Variants in BOD1L1 observed in about 807,000 individuals in gnomAD.
BOD1L1 encodes biorientation of chromosomes in cell division protein 1-like 1.
In BOD1L1, 86 loss-of-function variants were observed where a neutral mutation model predicts 240.7. The ratio of observed to expected loss-of-function variants is 0.36; its 90% CI spans 0.30 to 0.43. The LOEUF (loss-of-function observed/expected upper bound fraction) is 0.43. Among genes scored for constraint, BOD1L1 ranks in the 20% least tolerant of loss-of-function variants. The pLI is 1.00. For synonymous variants in BOD1L1, 1,268 were observed against 1,272.3 expected (o/e 1.00, Z 0.07); for missense variants, 3,554 against 3,643.5 (o/e 0.98, Z 0.63).
intron 25 of BOD1L1, among the ~76,000 whole-genome samples, chr4:13,573,891 G>C (rs1459310896): frequency 6.6e-6 from 1 of 151,900 alleles, no homozygotes; most frequent in Non-Finnish European, 1.5e-5. Context: ...TGCTTAGGCT[G>C]GTCTCGAACT....
chr4:13,591,935 A>G lies in BOD1L1; in HGVS notation c.8136T>C (p.Asn2712=). The part of the protein sequence containing the change: ...AELQREPLLV[N]ESLNVENSGF... ...TACAGTGACTTACATTTAGTGATTC[A>G]TTCACCAACAAAGGCTCCCTCTGGA... is the stretch of plus-strand genomic sequence containing the variant. The change falls in exon 13 of 26, where the codon AAT becomes AAC. Residue 2712 remains asparagine (N), a synonymous_variant. Coordinates refer to ENST00000040738, the MANE Select transcript of BOD1L1 (RefSeq NM_148894.3). 2 of 1,564,788 alleles carry G rather than the reference A, an allele frequency of 1.3e-6. No homozygotes were observed. The highest frequency in any genetic ancestry group is 2.3e-5 in the East Asian group (1 of 43,270).
At chr4:13,576,321 A>G (rs1208320423) in intron 25 of BOD1L1, among the ~76,000 whole-genome samples, 1 of 152,156 alleles carries the variant, frequency 6.6e-6, no homozygotes, top group African/African-American at 2.4e-5. Flanking sequence ...TTCTGGCTAC[A>G]ATAGGGTTTG....
chr4:13,573,442 G>A (rs7691522), intron 25 of BOD1L1, among the ~76,000 whole-genome samples: 3,863 of 120,856 alleles, frequency 0.032, 100 homozygotes, highest in Middle Eastern at 0.057. Context: ...CTGTCTGTCT[G>A]TCTATCTATC....
At chr4:13,609,919 CA>C (rs932416534) in intron 6 of BOD1L1, among the ~76,000 whole-genome samples, 1 of 152,168 alleles carries the variant, frequency 6.6e-6, no homozygotes, top group Non-Finnish European at 1.5e-5. Flanking sequence ...TCTTTTACAG[CA>C]GAAAGAATTC....
intron 15 of BOD1L1, 124 bp downstream of exon 15, chr4:13,588,592 GTGGAAC>G: frequency 1.4e-6 from 1 of 701,214 alleles, no homozygotes; most frequent in Non-Finnish European, 2.3e-6. Context: ...AAAGTGACAT[GTGGAAC>G]TCTCAGTATA....
chr4:13,570,147 A>G lies in BOD1L1; in HGVS notation c.9039-19T>C, dbSNP rs1017142186. The G allele has an allele frequency of 2.0e-6, 3 of 1,519,120 alleles. No individual in the cohort carries two copies. Among genetic ancestry groups the G allele is most frequent in the Non-Finnish European group, 2.6e-6 (3 of 1,132,756 alleles). 94.1% of individuals were successfully genotyped at this position (1,519,120 alleles called of 1,614,324 possible). ...CTTTGATCTGCATTAAGCAAAGTCA[A>G]GGCAATGGTGAGGTTTAAAAGCAGC... is the stretch of plus-strand genomic sequence containing the variant. On this transcript the variant is annotated intron_variant, in intron 25 of 25. Coordinates refer to ENST00000040738, the MANE Select transcript of BOD1L1 (RefSeq NM_148894.3).
chr4:13,582,350 T>C (rs772031641), intron 18 of BOD1L1, 40 bp from the exon 19 acceptor site: 49 of 1,536,034 alleles, frequency 3.2e-5, no homozygotes, highest in Admixed American at 3.4e-5. Context: ...CTAGTGACCA[T>C]GGTCAGCCTT....
In BOD1L1 at chr4:13,614,416, T is replaced by TG; in HGVS notation, c.953dup (p.Thr319AsnfsTer5). ...CTGGCTTCTTTTCACCTTTGTCTGT[T>TG]GATTTATTTTTTTGCTCACTGCTTT... is the stretch of plus-strand genomic sequence containing the variant. On this transcript the variant is annotated frameshift_variant, in exon 4 of 26. Coordinates refer to ENST00000040738, the MANE Select transcript of BOD1L1 (RefSeq NM_148894.3). LOFTEE classifies it high-confidence loss of function. 6.3e-7 allele frequency: 1 copy of TG among 1,593,126 alleles called. No individual in the cohort carries two copies. Among genetic ancestry groups the TG allele is most frequent in the Non-Finnish European group, 8.6e-7 (1 of 1,167,858 alleles).
In BOD1L1 at chr4:13,607,185, C is replaced by A; in HGVS notation, c.1747G>T (p.Val583Phe). ...SKKRKKDSRN[V>F]EENSKKKQQY... ...TGTTTCTTTTTGGAGTTCTCTTCAACATTCCTAAGGGGGAAAGAGTCAAAT... is the reference window on the plus strand; with the variant it reads ...TGTTTCTTTTTGGAGTTCTCTTCAAAATTCCTAAGGGGGAAAGAGTCAAAT... The change falls in exon 9 of 26, where the codon GTT becomes TTT. Residue 583 changes from valine to phenylalanine, a missense_variant. Physicochemically the swap from Val to Phe is conservative, Grantham distance 50. This residue lies in a region of BOD1L1 where 3,393 missense variants were observed against 3,427.1 expected (regional missense o/e 0.99). Transcript: ENST00000040738. The A allele has an allele frequency of 6.4e-7, 1 of 1,567,466 alleles. No homozygotes were observed. The highest frequency in any genetic ancestry group is 8.6e-7 in the Non-Finnish European group (1 of 1,156,716).
intron 1 of BOD1L1, chr4:13,624,810 T>C (rs1416555439): frequency 6.6e-6 from 1 of 152,202 alleles, no homozygotes; most frequent in Non-Finnish European, 1.5e-5. Context: ...TCTTCATTCT[T>C]AAATATGCAC....
At chr4:13,571,602 C>T (rs527747648) in intron 25 of BOD1L1, among the ~76,000 whole-genome samples, 110 of 152,332 alleles carry the variant, frequency 7.2e-4, no homozygotes, top group Admixed American at 1.4e-3. Context: ...GCCATGTGAG[C>T]TTCGTAGTTT....
At chr4:13,573,339 A>G (rs1221343880) in intron 25 of BOD1L1, among the ~76,000 whole-genome samples, 1 of 152,188 alleles carries the variant, frequency 6.6e-6, no homozygotes, top group Admixed American at 6.5e-5. Context: ...ACTGAAGAAC[A>G]ATATCCAGAA....
At position 13,582,743 on chromosome 4, in the gene BOD1L1, A is replaced by T. The variant is rs1175884113; in HGVS notation, c.8434-7T>A. ...AATCTCTGGAGTTCTCTTCCTATAGAGAAGTTGAAAAAGACTAGAACCTTC... is the reference window on the plus strand; with the variant it reads ...AATCTCTGGAGTTCTCTTCCTATAGTGAAGTTGAAAAAGACTAGAACCTTC... On this transcript the variant is annotated splice_region_variant and splice_polypyrimidine_tract_variant and intron_variant, in intron 17 of 25. Coordinates refer to ENST00000040738, the MANE Select transcript of BOD1L1 (RefSeq NM_148894.3). The T allele has an allele frequency of 1.3e-6, 2 of 1,592,750 alleles. No homozygotes were observed. Among genetic ancestry groups the T allele is most frequent in the African/African-American group, 2.7e-5 (2 of 74,394 alleles).
At chr4:13,618,245 GA>G (rs978721693) in intron 2 of BOD1L1, among the ~76,000 whole-genome samples, 8 of 151,784 alleles carry the variant, frequency 5.3e-5, no homozygotes, top group Non-Finnish European at 1.2e-4. Flanking sequence ...AATATATGAA[GA>G]AAAAAAATGC....
At chr4:13,585,721 A>T (rs1384065130) in intron 17 of BOD1L1, among the ~76,000 whole-genome samples, 1 of 152,014 alleles carries the variant, frequency 6.6e-6, no homozygotes, top group African/African-American at 2.4e-5. Flanking sequence ...AGTGGGAAGG[A>T]TGCAGTGGGA....
chr4:13,623,919 T>C (rs1286423377), intron 1 of BOD1L1: 4 of 152,200 alleles, frequency 2.6e-5, no homozygotes, highest in Non-Finnish European at 5.9e-5. Flanking sequence ...GTGATGGTTC[T>C]TTGCATGAAC....
At position 13,614,331 on chromosome 4, in the gene BOD1L1, C is replaced by T; in HGVS notation, c.1039G>A (p.Asp347Asn). The change falls in exon 4 of 26, where the codon GAT becomes AAT. Residue 347 changes from aspartate (D) to asparagine (N), a missense_variant. Transcript: ENST00000040738. ...GTATCTTCACTCTTTTTTGAGTGATCAAATTTCTTTTCAGTCTTTTCCTTC... is the reference window on the plus strand; with the variant it reads ...GTATCTTCACTCTTTTTTGAGTGATTAAATTTCTTTTCAGTCTTTTCCTTC... ...EKKEKTEKKF[D>N]HSKKSEDTQK... The T allele has an allele frequency of 6.5e-7, 1 of 1,550,350 alleles. No homozygotes were observed.
chr4:13,586,486 G>C lies in BOD1L1; in HGVS notation c.8354-11C>G. On this transcript the variant is annotated splice_polypyrimidine_tract_variant and intron_variant, in intron 16 of 25. Coordinates refer to ENST00000040738, the MANE Select transcript of BOD1L1 (RefSeq NM_148894.3). ...CATCTGGATTATCATCTGTAAATCA[G>C]TTTAGACAGAATCACAAAGGAACAA... is the stretch of plus-strand genomic sequence containing the variant. 1 of 1,567,320 alleles carries C rather than the reference G, an allele frequency of 6.4e-7. No homozygotes were observed. Among genetic ancestry groups the C allele is most frequent in the Non-Finnish European group, 8.7e-7 (1 of 1,143,434 alleles).
intron 9 of BOD1L1, among the ~76,000 whole-genome samples, chr4:13,605,952 A>G (rs1369421775): frequency 6.6e-6 from 1 of 152,212 alleles, no homozygotes; most frequent in Non-Finnish European, 1.5e-5. Flanking sequence ...ATTAATATTA[A>G]TGAGTGGAGG....
Sources: gnomAD v4.1 joint callset for allele counts (sites outside exome capture counted in the v4.1 genomes callset) on GRCh38, gnomAD v4.1.1 for gene constraint, gnomAD v4.1.1 regional missense constraint, MANE v1.5 for transcripts, NCBI Gene and HGNC (gene_info 2026-07-23, HGNC 2026-07-21) for gene names.